The following JMJD1C variants were observed in gnomAD, a reference collection of about 807,000 sequenced individuals.
The protein encoded by JMJD1C is jumonji domain-containing protein 1C.
JMJD1C carries 31 observed loss-of-function variants against 245.3 expected under a neutral mutation model. The observed-to-expected ratio is 0.13, with a 90% CI of 0.09 to 0.17. The LOEUF (loss-of-function observed/expected upper bound fraction) is 0.17, where lower values mean the gene tolerates loss of function less well. Ranked by LOEUF, JMJD1C falls within the 10% of genes least tolerant of loss-of-function variation. JMJD1C has a pLI of 1.00. For missense variants in JMJD1C, 2,691 were observed against 3,000.2 expected, an observed-to-expected ratio of 0.90 and a Z score of 2.41; for synonymous variants, 1,057 against 1,017.4, an observed-to-expected ratio of 1.04 and a Z score of -0.74.
chr10:63,467,885 G>A (rs1214039718), upstream of JMJD1C, among the ~76,000 whole-genome samples: 4 of 152,190 alleles, frequency 2.6e-5, no homozygotes, highest in South Asian at 6.2e-4. Context: ...TATCCTAGGA[G>A]CAAACGAAAA....
At chr10:63,362,451 A>G (rs1945467519) in intron 2 of JMJD1C, among the ~76,000 whole-genome samples, 1 of 136,878 alleles carries the variant, frequency 7.3e-6, no homozygotes, top group Admixed American at 7.8e-5. Flanking sequence ...TAAATAGTTC[A>G]GTTACACATA....
intron 1 of JMJD1C, among the ~76,000 whole-genome samples, chr10:63,385,116 CAG>C (rs949459489): frequency 8.6e-5 from 13 of 152,012 alleles, no homozygotes; most frequent in Non-Finnish European, 1.6e-4. Context: ...GGGAAAGAGA[CAG>C]GGGAATGGCT....
At chr10:63,475,160 T>G (rs1953620360) in intron 1 of JMJD1C, among the ~76,000 whole-genome samples, 1 of 152,218 alleles carries the variant, frequency 6.6e-6, no homozygotes, top group South Asian at 2.1e-4. Flanking sequence ...CATTATTACT[T>G]GCAACATATG....
chr10:63,452,675 T>C (rs1952143554), intron 1 of JMJD1C, among the ~76,000 whole-genome samples: 1 of 152,224 alleles, frequency 6.6e-6, no homozygotes, highest in Non-Finnish European at 1.5e-5. Flanking sequence ...GAAGCAATCC[T>C]TCTACCCTTT....
At chr10:63,202,877 T>A in intron 10 of JMJD1C, 1 of 976,958 alleles carries the variant, frequency 1.0e-6, no homozygotes, top group Non-Finnish European at 1.2e-6. Flanking sequence ...CTTCTAATCA[T>A]CTATTTACTT....
At chr10:63,461,741 C>T (rs958193521) in intron 1 of JMJD1C, among the ~76,000 whole-genome samples, 1 of 152,064 alleles carries the variant, frequency 6.6e-6, no homozygotes, top group African/African-American at 2.4e-5. Flanking sequence ...TAAATACTTA[C>T]ACTTTAGACA....
chr10:63,183,057 T>C (rs538603609), intron 22 of JMJD1C, among the ~76,000 whole-genome samples: 5 of 152,206 alleles, frequency 3.3e-5, no homozygotes, highest in Non-Finnish European at 7.4e-5. Flanking sequence ...GACAGGGTTA[T>C]AGCATGTTGG....
At chr10:63,318,005 G>A (rs1443818774) in intron 2 of JMJD1C, among the ~76,000 whole-genome samples, 1 of 151,772 alleles carries the variant, frequency 6.6e-6, no homozygotes, top group Non-Finnish European at 1.5e-5. Flanking sequence ...GCACCACCAC[G>A]CTCGTTTTGT....
intron 1 of JMJD1C, among the ~76,000 whole-genome samples, chr10:63,458,468 A>G (rs574520127): frequency 6.6e-6 from 1 of 151,922 alleles, no homozygotes; most frequent in South Asian, 2.1e-4. Context: ...TGGGCAACAG[A>G]GCGAGACCCT....
chr10:63,329,932 C>T (rs148956737), intron 2 of JMJD1C, among the ~76,000 whole-genome samples: 2,021 of 152,306 alleles, frequency 0.013, 30 homozygotes, highest in African/African-American at 0.034. Context: ...GACGGAGTCT[C>T]GCTCTGTCGC....
chr10:63,282,222 A>C (rs1215086479), intron 2 of JMJD1C, among the ~76,000 whole-genome samples: 3 of 152,322 alleles, frequency 2.0e-5, no homozygotes, highest in Non-Finnish European at 2.9e-5. Context: ...TGTCAGCAAC[A>C]ATCTGGAAGC....
chr10:63,346,421 T>C (rs1434149415), intron 2 of JMJD1C, among the ~76,000 whole-genome samples: 1 of 152,238 alleles, frequency 6.6e-6, no homozygotes, highest in East Asian at 1.9e-4. Flanking sequence ...ATGTATGAAC[T>C]GCAACCTAAC....
At position 63,217,208 on chromosome 10, in the gene JMJD1C, T is replaced by A. The variant is rs1848101856; in HGVS notation, c.677A>T (p.Gln226Leu). 1.2e-6 allele frequency: 2 copies of A among 1,607,222 alleles called. No individual in the cohort carries two copies. Among genetic ancestry groups the A allele is most frequent in the Non-Finnish European group, 1.7e-6 (2 of 1,177,638 alleles). The change falls in exon 5 of 26, where the codon CAG becomes CTG. Residue 226 changes from glutamine (Q) to leucine (L), a missense_variant and splice_region_variant. Coordinates refer to ENST00000399262, the MANE Select transcript of JMJD1C (RefSeq NM_032776.3). Reference protein sequence around the residue: ...FTRTMIVMNDQVLEPQNVDPS... With the variant: ...FTRTMIVMNDLVLEPQNVDPS... ...AAAAATATTAGTGGAACTATTTACC[T>A]GATCATTCATAACGATCATGGTGCG... is the stretch of plus-strand genomic sequence containing the variant.
intron 2 of JMJD1C, among the ~76,000 whole-genome samples, chr10:63,270,268 G>A (rs1287847103): frequency 5.3e-5 from 8 of 152,176 alleles, no homozygotes; most frequent in African/African-American, 1.9e-4. Flanking sequence ...CTGGGTTCAA[G>A]CGATTCTCCT....
rs188245456 is a variant in JMJD1C, at chr10:63,197,558, T to C, written c.5497A>G (p.Ile1833Val). 5.3e-5 allele frequency: 81 copies of C among 1,516,056 alleles called. No homozygotes were observed. In the Admixed American group the frequency reaches 5.7e-4, roughly 11 times the overall value. The allele number at this position is 1,516,056 out of a possible 1,614,324, so 93.9% of individuals were successfully genotyped here. The change falls in exon 13 of 26, where the codon ATT becomes GTT. Residue 1833 changes from isoleucine (I) to valine (V), a missense_variant. Around this residue, in one of 9 missense-constraint regions of JMJD1C, gnomAD observed 139 missense variants for 270.5 expected, o/e 0.51. Transcript: ENST00000399262. ...ALSWVKKDAK[I>V]AWKRAVRGVR... ...CCTCTCACTGCTCTTTTCCAGGCAATTTTGGCTGAAATACAGAAAAAACAA... is the reference window on the plus strand; with the variant it reads ...CCTCTCACTGCTCTTTTCCAGGCAACTTTGGCTGAAATACAGAAAAAACAA...
At chr10:63,413,197 GTGT>G (rs1213757701) in intron 1 of JMJD1C, among the ~76,000 whole-genome samples, 1 of 152,116 alleles carries the variant, frequency 6.6e-6, no homozygotes, top group East Asian at 1.9e-4. Flanking sequence ...ATGTATATGT[GTGT>G]TATCTCTTAA....
At chr10:63,330,045 C>A (rs7093198) in intron 2 of JMJD1C, among the ~76,000 whole-genome samples, 21,424 of 152,162 alleles carry the variant, frequency 0.14, 3,443 homozygotes, top group African/African-American at 0.4. Flanking sequence ...GGACTACAGG[C>A]ATGCGCCACC....
chr10:63,457,422 C>T (rs1214987921), intron 1 of JMJD1C, among the ~76,000 whole-genome samples: 5 of 151,986 alleles, frequency 3.3e-5, no homozygotes, highest in Admixed American at 2.6e-4. Context: ...ACAGTAGAGA[C>T]GGTGGATCAA....
At chr10:63,366,226 A>AAC (rs1945828348) in intron 2 of JMJD1C, among the ~76,000 whole-genome samples, 1 of 152,176 alleles carries the variant, frequency 6.6e-6, no homozygotes, top group Admixed American at 6.5e-5. Flanking sequence ...TCCCAATACA[A>AAC]ACAATGATCA....
Sources: gnomAD v4.1 joint callset for allele counts (sites outside exome capture counted in the v4.1 genomes callset) on GRCh38, gnomAD v4.1.1 for gene constraint, gnomAD v4.1.1 regional missense constraint, MANE v1.5 for transcripts, NCBI Gene and HGNC (gene_info 2026-07-23, HGNC 2026-07-21) for gene names.